Variants in SNX13 observed in about 807,000 individuals in gnomAD.
The protein encoded by SNX13 is sorting nexin-13.
A neutral mutation model predicts 133.6 loss-of-function variants in SNX13; 45 were observed. That is an observed-to-expected ratio of 0.34 (90% CI 0.27 to 0.43). The LOEUF is 0.43. SNX13 is among the 20% of genes least tolerant of loss of function. SNX13 has a pLI of 1.00. For missense variants in SNX13, 1,032 were observed against 1,145.1 expected, an observed-to-expected ratio of 0.90 and a Z score of 1.43; for synonymous variants, 414 against 373.9, an observed-to-expected ratio of 1.11 and a Z score of -1.24.
chr7:17,917,624 AAC>A (rs555439672), intron 1 of SNX13, among the ~76,000 whole-genome samples: 84 of 152,262 alleles, frequency 5.5e-4, no homozygotes, highest in African/African-American at 2.0e-3. Flanking sequence ...AGAACTATAA[AAC>A]ACAGCAGAAA....
At chr7:17,821,400 TCTTAC>T in intron 18 of SNX13, 104 bp downstream of exon 18, 7 of 1,089,870 alleles carry the variant, frequency 6.4e-6, no homozygotes, top group East Asian at 2.4e-5. Context: ...TACCAAAAAT[TCTTAC>T]CTTATTTTTT....
rs71010276 is a variant in SNX13 at position 17,845,153 on chromosome 7, TACACACAC to T, written c.1165+434_1165+441del. ...GGAGAAGCAAGTGTGTGCGTGTGTG[TACACACAC>T]ACACACACACACACACGAATATTAT... On this transcript the variant is annotated intron_variant, in intron 12 of 25. Coordinates refer to ENST00000428135, the MANE Select transcript of SNX13 (RefSeq NM_015132.5). 1.9e-4 allele frequency among the ~76,000 whole-genome samples: 29 copies of T among 148,906 alleles called. No individual in the cohort carries two copies. The East Asian group carries it at 4.4e-3, about 22-fold the overall frequency.
At chr7:17,880,924 G>A (rs914564221) in intron 5 of SNX13, 4 of 152,172 alleles carry the variant, frequency 2.6e-5, no homozygotes, top group South Asian at 2.1e-4. Context: ...AGAGGGGGAT[G>A]AGCATGATAA....
intron 15 of SNX13, among the ~76,000 whole-genome samples, chr7:17,833,056 T>C (rs1788703507): frequency 6.6e-6 from 1 of 151,610 alleles, no homozygotes; most frequent in African/African-American, 2.4e-5. Context: ...CAGTCATAAC[T>C]GAAGCACTTT....
chr7:17,817,584 T>C (rs1786800016), intron 18 of SNX13, among the ~76,000 whole-genome samples: 1 of 152,184 alleles, frequency 6.6e-6, no homozygotes, highest in African/African-American at 2.4e-5. Flanking sequence ...CATTATATGT[T>C]ACACATGAAA....
intron 1 of SNX13, among the ~76,000 whole-genome samples, chr7:17,904,485 T>G (rs1379826104): frequency 2.0e-5 from 3 of 152,010 alleles, no homozygotes; most frequent in African/African-American, 7.3e-5. Context: ...TCCTGGTTCA[T>G]GTGGAGAGTG....
intron 13 of SNX13, among the ~76,000 whole-genome samples, chr7:17,838,667 A>G (rs1042700719): frequency 6.6e-6 from 1 of 151,882 alleles, no homozygotes; most frequent in African/African-American, 2.4e-5. Context: ...TTCATTCTCA[A>G]TTAAAAATAC....
In SNX13 at chr7:17,940,431, C is replaced by T; in HGVS notation, c.-136G>A. ...TCTTCTCCCGGGCGGCGGTTTTACT[C>T]GGCTTCGCTGGCCTCCCCTCGGCCC... On this transcript the variant is annotated 5_prime_UTR_variant, in exon 1 of 26. Transcript: ENST00000428135. The T allele has an allele frequency of 9.9e-7, 1 of 1,014,940 alleles. No individual in the cohort carries two copies. The highest frequency in any genetic ancestry group is 1.5e-6 in the Non-Finnish European group (1 of 666,748). 62.9% of individuals were successfully genotyped at this position (1,014,940 alleles called of 1,614,324 possible).
At chr7:17,899,609 G>C (rs1488288576) in intron 1 of SNX13, 3 of 151,486 alleles carry the variant, frequency 2.0e-5, no homozygotes, top group Non-Finnish European at 1.5e-5. Flanking sequence ...TTCGTCAGTA[G>C]GTCAACTGCA....
intron 15 of SNX13, chr7:17,832,638 A>G (rs1788636061): frequency 1.2e-5 from 3 of 242,848 alleles, no homozygotes; most frequent in Non-Finnish European, 1.3e-5. Context: ...GTAAGTACAG[A>G]TATATAGAAC....
At position 17,850,364 on chromosome 7, in the gene SNX13, G is replaced by A. The variant is rs1169312394; in HGVS notation, c.1048C>T (p.Arg350Ter). 1.3e-6 allele frequency: 2 copies of A among 1,593,966 alleles called. No individual in the cohort carries two copies. Among genetic ancestry groups the A allele is most frequent in the South Asian group, 1.1e-5 (1 of 87,088 alleles). The change falls in exon 11 of 26, where the codon CGA becomes TGA. Residue 350 changes from arginine to a stop codon, truncating the protein, a stop_gained. Coordinates refer to ENST00000428135, the MANE Select transcript of SNX13 (RefSeq NM_015132.5). LOFTEE classifies it high-confidence loss of function. ...VKKVCDSRIQ[R>*]LQSGKEINTV... ...TTACTTACTTTGCCTGACTGCAATC[G>A]CTGTATTCTTGAGTCACATACCTTC...
chr7:17,835,378 G>A (rs1437715754), intron 13 of SNX13, among the ~76,000 whole-genome samples: 1 of 151,784 alleles, frequency 6.6e-6, no homozygotes, highest in Non-Finnish European at 1.5e-5. Flanking sequence ...AGAGATTACT[G>A]TTATCCTAAA....
intron 20 of SNX13, 135 bp downstream of exon 20, chr7:17,814,699 T>C (rs1425541709): frequency 3.0e-6 from 2 of 663,598 alleles, no homozygotes; most frequent in East Asian, 3.6e-5. Flanking sequence ...CCAATAGTGA[T>C]AAACATGCCG....
intron 1 of SNX13, among the ~76,000 whole-genome samples, chr7:17,939,389 A>G (rs964756444): frequency 3.9e-5 from 6 of 152,218 alleles, no homozygotes; most frequent in African/African-American, 1.4e-4. Flanking sequence ...AAGGTTCAGT[A>G]TTTTATGTTC....
chr7:17,801,054 A>ATATATATC (rs1784592498), intron 22 of SNX13, among the ~76,000 whole-genome samples: 1 of 50,388 alleles, frequency 2.0e-5, no homozygotes, highest in Non-Finnish European at 4.0e-5. Context: ...ATATATATAT[A>ATATATATC]TATATATCCT....
At chr7:17,904,523 A>G (rs886599334) in intron 1 of SNX13, among the ~76,000 whole-genome samples, 1 of 152,202 alleles carries the variant, frequency 6.6e-6, no homozygotes, top group African/African-American at 2.4e-5. Flanking sequence ...GCAGTTTTAG[A>G]TCAGCTGTTT....
At chr7:17,885,530 G>C (rs546442602) in intron 5 of SNX13, among the ~76,000 whole-genome samples, 27 of 152,264 alleles carry the variant, frequency 1.8e-4, no homozygotes, top group African/African-American at 5.3e-4. Flanking sequence ...CTATTCTACA[G>C]ATTATAAAAA....
chr7:17,915,380 G>A (rs1799432279), intron 1 of SNX13, among the ~76,000 whole-genome samples: 1 of 152,212 alleles, frequency 6.6e-6, no homozygotes, highest in Admixed American at 6.5e-5. Flanking sequence ...CCCCTGGGCG[G>A]CACTGGGGAG....
At chr7:17,845,795 A>C in intron 11 of SNX13, 101 bp from the exon 12 acceptor site, 1 of 744,326 alleles carries the variant, frequency 1.3e-6, no homozygotes, top group Non-Finnish European at 2.1e-6. Flanking sequence ...AAACGGAGTA[A>C]AGATGAAGTT....
Sources: gnomAD v4.1 joint callset for allele counts (sites outside exome capture counted in the v4.1 genomes callset) on GRCh38, gnomAD v4.1.1 for gene constraint, MANE v1.5 for transcripts, NCBI Gene and HGNC (gene_info 2026-07-23, HGNC 2026-07-21) for gene names.